ADGRG7: variants seen among roughly 807,000 people sequenced by gnomAD.
The protein encoded by ADGRG7 is G-protein coupled receptor 128.
ADGRG7 carries 82 observed loss-of-function variants against 88.6 expected under a neutral mutation model. That is an observed-to-expected ratio of 0.93 (90% CI 0.77 to 1.11). The LOEUF is 1.11. ADGRG7 is among the 50% of genes most tolerant of loss of function. The probability of loss-of-function intolerance (pLI) is 0.00; values close to 1 mark genes in which losing one functional copy is unlikely to be tolerated. For missense variants in ADGRG7, 945 were observed against 953.4 expected, an observed-to-expected ratio of 0.99 and a Z score of 0.12; for synonymous variants, 381 against 345.2, an observed-to-expected ratio of 1.10 and a Z score of -1.15.
intron 1 of ADGRG7, among the ~76,000 whole-genome samples, chr3:100,617,775 C>T (rs1479470185): frequency 1.3e-5 from 2 of 152,122 alleles, no homozygotes; most frequent in Non-Finnish European, 2.9e-5. Context: ...TTCTAGATCC[C>T]TGAGGAATCG....
chr3:100,645,836 A>G, intron 8 of ADGRG7, 109 bp from the exon 9 acceptor site: 3 of 948,774 alleles, frequency 3.2e-6, no homozygotes, highest in East Asian at 2.5e-5. Flanking sequence ...TTTTTACTGT[A>G]CTTTACTCAA....
At chr3:100,613,393 A>AAGTCC (rs1197158910) in intron 1 of ADGRG7, among the ~76,000 whole-genome samples, 1 of 152,192 alleles carries the variant, frequency 6.6e-6, no homozygotes, top group Non-Finnish European at 1.5e-5. Flanking sequence ...AAAATAAAAA[A>AAGTCC]AGTCCAGAGT....
rs1394048871 is a variant in ADGRG7 at position 100,665,536 on chromosome 3, A to G, written c.1980-3413A>G. The stretch of plus-strand genomic sequence containing the variant: ...TTGGGCACCTTTTTCTAGTGGGACT[A>G]TATCTTACATATGTACTTTACAGAT... On this transcript the variant is annotated intron_variant, in intron 14 of 15. Transcript: ENST00000273352. 4.4e-5 allele frequency: 19 copies of G among 427,446 alleles called. No individual in the cohort carries two copies. In the East Asian group the frequency reaches 8.5e-4, roughly 19 times the overall value. The allele number at this position is 427,446 out of a possible 1,614,324, so 26.5% of individuals were successfully genotyped here. A position where few individuals can be genotyped will look rare whatever the true frequency, so the allele number is the denominator to read the frequency against.
chr3:100,665,143 G>T, intron 14 of ADGRG7: 1 of 536,638 alleles, frequency 1.9e-6, no homozygotes, highest in Non-Finnish European at 3.8e-6. Context: ...CAGCTGTCTG[G>T]ACTAGCTTAT....
chr3:100,665,731 G>T (rs542704847), intron 14 of ADGRG7, among the ~76,000 whole-genome samples: 11 of 152,276 alleles, frequency 7.2e-5, no homozygotes, highest in Non-Finnish European at 1.6e-4. Flanking sequence ...CTTGGTAAAG[G>T]CTTCTTTGCC....
At position 100,629,692 on chromosome 3, in the gene ADGRG7, A is replaced by G. The variant is rs967286619; in HGVS notation, c.210A>G (p.Lys70=). The part of the protein sequence containing the change: ...NGRCICTEEW[K]GLRCTIANFC... Reference sequence around the variant, plus strand: ...GATGTATTTGTACAGAAGAGTGGAAAGGACTGAGATGTACAATTGGTAAAT... The same window carrying G: ...GATGTATTTGTACAGAAGAGTGGAAGGGACTGAGATGTACAATTGGTAAAT... Residue 70 remains lysine, a synonymous_variant, in exon 2 of 16, where the codon AAA becomes AAG. Transcript: ENST00000273352. The G allele has an allele frequency of 4.3e-6, 7 of 1,610,274 alleles. 1 individual carries two copies. In the South Asian group the frequency reaches 7.7e-5, roughly 18 times the overall value.
chr3:100,631,037 A>C (rs1054110767), intron 3 of ADGRG7, among the ~76,000 whole-genome samples: 3 of 152,072 alleles, frequency 2.0e-5, no homozygotes, highest in Non-Finnish European at 2.9e-5. Flanking sequence ...ATTTCTCTGA[A>C]TCTTTCCTTA....
rs780755823 is a variant in ADGRG7, at chr3:100,629,693, G to A, written c.211G>A (p.Gly71Arg). ...ATGTATTTGTACAGAAGAGTGGAAA[G>A]GACTGAGATGTACAATTGGTAAATT... ...GRCICTEEWK[G>R]LRCTIANFCE... The change falls in exon 2 of 16, where the codon GGA becomes AGA. Residue 71 changes from glycine to arginine, a missense_variant. Transcript: ENST00000273352. The A allele has an allele frequency of 3.7e-6, 6 of 1,608,964 alleles. No individual in the cohort carries two copies. The African/African-American group carries it at 8.0e-5, about 22-fold the overall frequency.
chr3:100,611,279 C>CCTTCCTTT (rs1559666842), intron 1 of ADGRG7, among the ~76,000 whole-genome samples: 2 of 143,602 alleles, frequency 1.4e-5, no homozygotes, highest in African/African-American at 5.1e-5. Flanking sequence ...TTCCTTCCTT[C>CCTTCCTTT]CTTCCTTCCT....
chr3:100,670,696 T>G (rs1321468488), intron 15 of ADGRG7, among the ~76,000 whole-genome samples: 7 of 152,176 alleles, frequency 4.6e-5, no homozygotes, highest in African/African-American at 1.7e-4. Flanking sequence ...TTTCTCCTAA[T>G]GCTATCCCTT....
chr3:100,652,303 G>A (rs1310949343), intron 11 of ADGRG7, among the ~76,000 whole-genome samples: 2 of 152,140 alleles, frequency 1.3e-5, no homozygotes, highest in Non-Finnish European at 2.9e-5. Flanking sequence ...AAGATCAAGC[G>A]AGGTCATGAT....
intron 15 of ADGRG7, among the ~76,000 whole-genome samples, chr3:100,687,742 G>A (rs1323788923): frequency 1.4e-4 from 22 of 152,160 alleles, no homozygotes; most frequent in Non-Finnish European, 2.6e-4. Context: ...TGATCATGGT[G>A]GATAAGCTTT....
chr3:100,664,516 C>T (rs2094949440), intron 14 of ADGRG7, among the ~76,000 whole-genome samples: 2 of 152,066 alleles, frequency 1.3e-5, no homozygotes, highest in Non-Finnish European at 1.5e-5. Context: ...TAAAAAGATA[C>T]AGAAAACCAA....
intron 1 of ADGRG7, among the ~76,000 whole-genome samples, chr3:100,612,385 T>A (rs1707166511): frequency 6.6e-6 from 1 of 152,192 alleles, no homozygotes; most frequent in Non-Finnish European, 1.5e-5. Flanking sequence ...GCTAAAAACT[T>A]AGAGAAAATC....
chr3:100,617,503 T>A (rs907131649), intron 1 of ADGRG7, among the ~76,000 whole-genome samples: 3 of 151,954 alleles, frequency 2.0e-5, no homozygotes, highest in African/African-American at 4.8e-5. Flanking sequence ...GTTTGCTGAG[T>A]ATGATGGTTT....
chr3:100,675,952 G>A (rs1265540178), intron 15 of ADGRG7, among the ~76,000 whole-genome samples: 1 of 151,846 alleles, frequency 6.6e-6, no homozygotes, highest in Non-Finnish European at 1.5e-5. Flanking sequence ...CAGTTGTTAT[G>A]TCTCCTTTTT....
chr3:100,626,707 C>T (rs1341077261), intron 1 of ADGRG7, among the ~76,000 whole-genome samples: 1 of 152,204 alleles, frequency 6.6e-6, no homozygotes, highest in East Asian at 1.9e-4. Context: ...ATCGCTTGAA[C>T]CCAGGAGTCA....
At chr3:100,654,678 A>C in intron 11 of ADGRG7, 157 bp from the exon 12 acceptor site, 1 of 557,112 alleles carries the variant, frequency 1.8e-6, no homozygotes, top group Non-Finnish European at 3.2e-6. Context: ...TTTCTGATGT[A>C]ATCGAGAAGG....
chr3:100,645,809 G>A (rs1264912850), intron 8 of ADGRG7, 136 bp from the exon 9 acceptor site: 4 of 729,402 alleles, frequency 5.5e-6, no homozygotes, highest in African/African-American at 3.6e-5. Flanking sequence ...TTAAGTAAAG[G>A]TTCAACCAGT....
Sources: gnomAD v4.1 joint callset for allele counts (sites outside exome capture counted in the v4.1 genomes callset) on GRCh38, gnomAD v4.1.1 for gene constraint, MANE v1.5 for transcripts, NCBI Gene and HGNC (gene_info 2026-07-23, HGNC 2026-07-21) for gene names.